The following MAP2K5 variants were observed in gnomAD, a reference collection of about 807,000 sequenced individuals.
MAP2K5 encodes the protein dual specificity mitogen-activated protein kinase kinase 5.
A neutral mutation model predicts 83.1 loss-of-function variants in MAP2K5; 49 were observed. The observed-to-expected ratio is 0.59, with a 90% confidence interval of 0.47 to 0.75. MAP2K5 has a LOEUF of 0.75. Among genes scored for constraint, MAP2K5 ranks in the 30% least tolerant of loss-of-function variants. MAP2K5 has a pLI of 0.00. For synonymous variants in MAP2K5, 202 were observed against 191.8 expected (o/e 1.05, Z -0.44); for missense variants, 457 against 557.5 (o/e 0.82, Z 1.82).
chr15:67,712,903 C>T (rs1265795516), intron 16 of MAP2K5, among the ~76,000 whole-genome samples: 1 of 149,662 alleles, frequency 6.7e-6, no homozygotes, highest in Non-Finnish European at 1.5e-5. Flanking sequence ...GGCGACAGAG[C>T]AGGCTGTCTC....
chr15:67,675,350 A>G (rs2087651784), intron 13 of MAP2K5, among the ~76,000 whole-genome samples: 1 of 152,244 alleles, frequency 6.6e-6, no homozygotes, highest in Non-Finnish European at 1.5e-5. Context: ...CACAAAGGTT[A>G]CATAGTGTAT....
In MAP2K5 at chr15:67,563,262, G is replaced by A. The variant is rs200944611; in HGVS notation, c.185-21G>A. Reference sequence around the variant, plus strand: ...TAAACAAATGCACACCTTATCATTTGCATTATGTGCTTTTAAACAGATGAA... The same window carrying A: ...TAAACAAATGCACACCTTATCATTTACATTATGTGCTTTTAAACAGATGAA... On this transcript the variant is annotated intron_variant, in intron 2 of 21. Coordinates refer to ENST00000178640, the MANE Select transcript of MAP2K5 (RefSeq NM_145160.3). The surrounding 1 kb of genome is among the most constrained non-coding windows in gnomAD (Gnocchi z 4.5). 67 of 1,605,010 alleles carry A rather than the reference G, an allele frequency of 4.2e-5. 1 individual carries two copies. In the African/African-American group the frequency reaches 8.6e-4, roughly 20 times the overall value.
intron 13 of MAP2K5, among the ~76,000 whole-genome samples, chr15:67,686,481 C>T (rs1389504773): frequency 1.3e-5 from 2 of 151,706 alleles, no homozygotes; most frequent in Admixed American, 6.6e-5. Flanking sequence ...GTGGCAGGCG[C>T]CTGTAATCCT....
chr15:67,601,688 A>G (rs1411244500), intron 8 of MAP2K5, among the ~76,000 whole-genome samples: 1 of 152,234 alleles, frequency 6.6e-6, no homozygotes, highest in Non-Finnish European at 1.5e-5. Context: ...GTTCTGACTA[A>G]CCACATGAAT....
At chr15:67,614,489 C>T (rs1440770833) in intron 8 of MAP2K5, among the ~76,000 whole-genome samples, 1 of 152,104 alleles carries the variant, frequency 6.6e-6, no homozygotes, top group Non-Finnish European at 1.5e-5. Flanking sequence ...TTTCTATTTT[C>T]CCCCACATAT....
At chr15:67,669,165 G>A (rs1282253832) in intron 13 of MAP2K5, among the ~76,000 whole-genome samples, 1 of 152,064 alleles carries the variant, frequency 6.6e-6, no homozygotes, top group Non-Finnish European at 1.5e-5. Flanking sequence ...CGCTTTCACA[G>A]TACTTGAAAC....
Position 67,794,209 on chromosome 15 carries a change from T to G in MAP2K5, c.1243-12437T>G, listed in dbSNP as rs1436900476. Among the ~76,000 whole-genome samples, 3 of 152,242 alleles carry G rather than the reference T, an allele frequency of 2.0e-5. No individual in the cohort carries two copies. The East Asian group carries it at 5.8e-4, about 29-fold the overall frequency. On this transcript the variant is annotated intron_variant, in intron 21 of 21. Coordinates refer to ENST00000178640, the MANE Select transcript of MAP2K5 (RefSeq NM_145160.3). This position sits in a 1 kb window ranked among gnomAD's most constrained non-coding sequence, Gnocchi z 4.6. ...CCATCAAAAACGCATTTCAGGCTTC[T>G]GTACATTTAATTTTCTTCAACATTA... is the stretch of plus-strand genomic sequence containing the variant.
intron 16 of MAP2K5, among the ~76,000 whole-genome samples, chr15:67,711,465 T>C (rs1325010395): frequency 6.6e-6 from 1 of 152,236 alleles, no homozygotes; most frequent in Non-Finnish European, 1.5e-5. Flanking sequence ...AGATGGGAGA[T>C]CTATTTCAGA....
At chr15:67,585,716 C>A in intron 4 of MAP2K5, 174 bp from the exon 5 acceptor site, 1 of 583,152 alleles carries the variant, frequency 1.7e-6, no homozygotes. Flanking sequence ...AATGCTCACT[C>A]CTGCAAGTTA....
chr15:67,629,623 C>T (rs1381779981), intron 8 of MAP2K5, among the ~76,000 whole-genome samples: 1 of 152,024 alleles, frequency 6.6e-6, no homozygotes, highest in Non-Finnish European at 1.5e-5. Flanking sequence ...TACAACTGGG[C>T]AGGTGAAGAT....
intron 19 of MAP2K5, among the ~76,000 whole-genome samples, chr15:67,756,939 A>T (rs775626873): frequency 6.6e-6 from 1 of 151,972 alleles, no homozygotes; most frequent in Non-Finnish European, 1.5e-5. Context: ...TTCTTTATTC[A>T]TCTATTGACT....
intron 21 of MAP2K5, among the ~76,000 whole-genome samples, chr15:67,789,817 C>T (rs1315295512): frequency 1.3e-5 from 2 of 149,862 alleles, no homozygotes; most frequent in African/African-American, 4.9e-5. Context: ...TTTTTTTTCA[C>T]ATTCTTTGCC....
chr15:67,576,706 T>A (rs2140987451), intron 3 of MAP2K5, among the ~76,000 whole-genome samples: 1 of 147,752 alleles, frequency 6.8e-6, no homozygotes, highest in Admixed American at 6.7e-5. Flanking sequence ...TTGCTGCTGA[T>A]GTATTCAGTT....
At chr15:67,670,372 C>G (rs2087498601) in intron 13 of MAP2K5, 1 of 454,762 alleles carries the variant, frequency 2.2e-6, no homozygotes, top group African/African-American at 2.0e-5. Flanking sequence ...TGGAAATGTT[C>G]TGTAGCTTGA....
rs1434092592 is a variant in MAP2K5 at position 67,717,469 on chromosome 15, A to G, written c.1045-10447A>G. Among the ~76,000 whole-genome samples the G allele has an allele frequency of 1.3e-5, 2 of 152,238 alleles. No homozygotes were observed. The highest frequency in any genetic ancestry group is 2.9e-5 in the Non-Finnish European group (2 of 68,032). ...TTGACTAATAGGTAGAAAGAAAAGT[A>G]AAAGTGCAATGGAAACATGTAGAAC... On this transcript the variant is annotated intron_variant, in intron 16 of 21. Coordinates refer to ENST00000178640, the MANE Select transcript of MAP2K5 (RefSeq NM_145160.3). This position sits in a 1 kb window ranked among gnomAD's most constrained non-coding sequence, Gnocchi z 4.1.
Position 67,590,668 on chromosome 15 carries a change from G to T in MAP2K5, c.432-2258G>T, listed in dbSNP as rs141954416. 3.7e-3 allele frequency among the ~76,000 whole-genome samples: 564 copies of T among 152,040 alleles called. 4 individuals carry two copies. The highest frequency in any genetic ancestry group is 0.013 in the African/African-American group (541 of 41,452). On this transcript the variant is annotated intron_variant, in intron 6 of 21. Coordinates refer to ENST00000178640, the MANE Select transcript of MAP2K5 (RefSeq NM_145160.3). ...GGGCCCTACTATGTTGCCCAGGCTT[G>T]TTCTTGAACTCCTGGGCTCAAGCGA...
intron 8 of MAP2K5, among the ~76,000 whole-genome samples, chr15:67,622,188 A>T (rs2086201878): frequency 6.7e-6 from 1 of 149,892 alleles, no homozygotes; most frequent in Admixed American, 6.6e-5. Flanking sequence ...GAATGTGCTG[A>T]AGGGAGAATG....
chr15:67,689,827 C>G (rs543008240), intron 13 of MAP2K5, among the ~76,000 whole-genome samples: 4 of 152,278 alleles, frequency 2.6e-5, no homozygotes, highest in African/African-American at 9.6e-5. Flanking sequence ...AATTTCCAGG[C>G]AGCACCTTCT....
At chr15:67,607,198 C>T (rs938840852) in intron 8 of MAP2K5, among the ~76,000 whole-genome samples, 1 of 152,110 alleles carries the variant, frequency 6.6e-6, no homozygotes. Context: ...AAGAAGCAAA[C>T]AAGACATCAT....
Sources: allele counts gnomAD v4.1 joint callset (sites outside exome capture counted in the v4.1 genomes callset), GRCh38; gene constraint gnomAD v4.1.1; non-coding constraint Gnocchi (gnomAD v3.1); transcripts MANE v1.5; gene names NCBI Gene and HGNC (gene_info 2026-07-23, HGNC 2026-07-21).